The following TLN2 variants were observed in gnomAD, a reference collection of about 807,000 sequenced individuals.
TLN2 encodes the protein talin 2.
A neutral mutation model predicts 294.7 loss-of-function variants in TLN2; 118 were observed. That is an observed-to-expected ratio of 0.40 (90% CI 0.34 to 0.47). The LOEUF is 0.47. TLN2 is among the 20% of genes least tolerant of loss of function. The probability of loss-of-function intolerance (pLI) is 0.84; values close to 1 mark genes in which losing one functional copy is unlikely to be tolerated. For synonymous variants in TLN2, 1,431 were observed against 1,304.5 expected (o/e 1.10, Z -2.09); for missense variants, 3,083 against 3,282.2 (o/e 0.94, Z 1.48).
chr15:62,764,933 C>T lies in TLN2; in HGVS notation c.5094+1238C>T, dbSNP rs111322517. ...AGTGAGTGAGCCGAGATCACACTGCCGCCCTTAAGCCTGGGACAACAGAGC... is the reference window on the plus strand; with the variant it reads ...AGTGAGTGAGCCGAGATCACACTGCTGCCCTTAAGCCTGGGACAACAGAGC... On this transcript the variant is annotated intron_variant, in intron 40 of 58. Transcript: ENST00000636159. Among the ~76,000 whole-genome samples the T allele has an allele frequency of 7.0e-4, 106 of 150,918 alleles. 1 individual carries two copies. Among genetic ancestry groups the T allele is most frequent in the African/African-American group, 2.4e-3 (97 of 40,984 alleles).
At chr15:62,694,274 GC>G (rs1331157237) in intron 13 of TLN2, 41 bp from the exon 14 acceptor site, 33 of 1,603,686 alleles carry the variant, frequency 2.1e-5, no homozygotes, top group Admixed American at 1.0e-4. Flanking sequence ...ACCGCGCGTG[GC>G]CTGGTTTTCA....
chr15:62,433,202 C>G (rs948871193), intron 1 of TLN2, among the ~76,000 whole-genome samples: 3 of 152,028 alleles, frequency 2.0e-5, no homozygotes, highest in African/African-American at 4.8e-5. Context: ...CTGGGCGTTT[C>G]ATTCAGAGGC....
chr15:62,526,921 T>C (rs1245520236), intron 1 of TLN2, among the ~76,000 whole-genome samples: 1 of 152,230 alleles, frequency 6.6e-6, no homozygotes, highest in Non-Finnish European at 1.5e-5. Context: ...TGTTTTGATA[T>C]TGTAGCATGT....
chr15:62,631,731 TTTC>T (rs1428640653), intron 3 of TLN2, among the ~76,000 whole-genome samples: 1 of 147,762 alleles, frequency 6.8e-6, no homozygotes, highest in Non-Finnish European at 1.5e-5. Context: ...CCTCCCGCTT[TTTC>T]TTCTTTCTCT....
intron 1 of TLN2, among the ~76,000 whole-genome samples, chr15:62,412,136 A>G (rs898159514): frequency 6.6e-6 from 1 of 152,178 alleles, no homozygotes; most frequent in Non-Finnish European, 1.5e-5. Flanking sequence ...CATCACCTGG[A>G]AACTTGTTGG....
intron 42 of TLN2, among the ~76,000 whole-genome samples, chr15:62,773,677 G>A (rs1475540780): frequency 2.0e-5 from 3 of 152,122 alleles, no homozygotes; most frequent in Non-Finnish European, 4.4e-5. Flanking sequence ...AAATAGTTAT[G>A]GGTAGCTTTG....
intron 43 of TLN2, among the ~76,000 whole-genome samples, chr15:62,778,121 T>C (rs2063847578): frequency 1.3e-5 from 2 of 152,246 alleles, no homozygotes; most frequent in South Asian, 4.1e-4. Flanking sequence ...ATGCTGTAAC[T>C]ATAATTAGAA....
At position 62,530,087 on chromosome 15, in the gene TLN2, A is replaced by G. The variant is rs894808979; in HGVS notation, c.-237-59600A>G. The stretch of plus-strand genomic sequence containing the variant: ...GCGCCTGTAGTCCCAGCTACTTGGG[A>G]GGCTGAGGCAGGAGAATTGCTTGAA... On this transcript the variant is annotated intron_variant, in intron 1 of 58. Transcript: ENST00000636159. Among the ~76,000 whole-genome samples the G allele has an allele frequency of 2.0e-5, 3 of 152,266 alleles. No individual in the cohort carries two copies. The East Asian group carries it at 5.8e-4, about 30-fold the overall frequency.
chr15:62,821,357 C>G (rs1384221330), intron 54 of TLN2, among the ~76,000 whole-genome samples: 1 of 152,208 alleles, frequency 6.6e-6, no homozygotes, highest in Non-Finnish European at 1.5e-5. Flanking sequence ...AAGTAAGTCC[C>G]TGGTGGTGCA....
chr15:62,827,124 C>T (rs979778538), intron 54 of TLN2, among the ~76,000 whole-genome samples: 1 of 152,170 alleles, frequency 6.6e-6, no homozygotes, highest in Non-Finnish European at 1.5e-5. Flanking sequence ...CTATGCATGC[C>T]TTATGCTCCT....
chr15:62,808,438 G>A (rs377294278), intron 51 of TLN2, among the ~76,000 whole-genome samples: 1 of 152,118 alleles, frequency 6.6e-6, no homozygotes, highest in Admixed American at 6.5e-5. Context: ...GGGCATATCT[G>A]TTTTTTTCTG....
chr15:62,754,242 G>A (rs933004269), intron 36 of TLN2: 44 of 194,934 alleles, frequency 2.3e-4, no homozygotes, highest in Non-Finnish European at 2.1e-4. Flanking sequence ...TTCAATGTGC[G>A]CAGGGCTCCG....
At chr15:62,699,162 C>T (rs1040722660) in intron 16 of TLN2, among the ~76,000 whole-genome samples, 9 of 152,136 alleles carry the variant, frequency 5.9e-5, no homozygotes, top group East Asian at 1.9e-4. Flanking sequence ...GGGCTACTTG[C>T]CTTCTCAATT....
Position 62,792,844 on chromosome 15 carries a change from C to T in TLN2, c.5883+57C>T, listed in dbSNP as rs964541263. The stretch of plus-strand genomic sequence containing the variant: ...GAACCTGCGCTGGCTCTCAGTGATC[C>T]GCTGTAATCAAGGACAAAAGCAGGA... On this transcript the variant is annotated intron_variant, in intron 46 of 58. Transcript: ENST00000636159. 63 of 1,596,030 alleles carry T rather than the reference C, an allele frequency of 3.9e-5. 1 individual carries two copies. The highest frequency in any genetic ancestry group is 1.8e-4 in the Admixed American group (10 of 56,060).
At chr15:62,734,183 C>T (rs1437509025) in intron 28 of TLN2, 1 of 152,120 alleles carries the variant, frequency 6.6e-6, no homozygotes, top group Admixed American at 6.5e-5. Flanking sequence ...TTGTATGAGT[C>T]TATGAAAGGT....
intron 1 of TLN2, among the ~76,000 whole-genome samples, chr15:62,577,921 C>T (rs921806587): frequency 6.6e-6 from 1 of 152,162 alleles, no homozygotes; most frequent in South Asian, 2.1e-4. Flanking sequence ...TCAACTCCCA[C>T]CTATGAGTGA....
chr15:62,608,119 A>C (rs956040554), intron 2 of TLN2, among the ~76,000 whole-genome samples: 1 of 151,932 alleles, frequency 6.6e-6, no homozygotes, highest in African/African-American at 2.4e-5. Flanking sequence ...CCCTGCATCT[A>C]ATTGACTCTA....
chr15:62,584,637 T>C (rs913302780), intron 1 of TLN2, among the ~76,000 whole-genome samples: 4 of 152,176 alleles, frequency 2.6e-5, no homozygotes, highest in African/African-American at 2.4e-5. Flanking sequence ...ACTCTAATCA[T>C]TGGGCTACAC....
chr15:62,784,064 C>A, intron 45 of TLN2, 174 bp downstream of exon 45: 1 of 1,150,378 alleles, frequency 8.7e-7, no homozygotes. Flanking sequence ...CCAGGCTGTA[C>A]TCAAGTCTCA....
Sources: allele counts gnomAD v4.1 joint callset (sites outside exome capture counted in the v4.1 genomes callset), GRCh38; gene constraint gnomAD v4.1.1; transcripts MANE v1.5; gene names NCBI Gene and HGNC (gene_info 2026-07-23, HGNC 2026-07-21).